The following L2HGDH variants were observed in gnomAD, a reference collection of about 807,000 sequenced individuals.
L2HGDH encodes L-2-hydroxyglutarate dehydrogenase.
L2HGDH carries 34 observed loss-of-function variants against 51.5 expected under a neutral mutation model. The observed-to-expected ratio is 0.66, with a 90% confidence interval of 0.50 to 0.88. The LOEUF is 0.88. Ranked by LOEUF, L2HGDH falls within the 40% of genes least tolerant of loss-of-function variation. L2HGDH has a pLI of 0.00. For synonymous variants in L2HGDH, 198 were observed against 197.9 expected (o/e 1.00, Z -0.01); for missense variants, 558 against 571.9 (o/e 0.98, Z 0.25).
At chr14:50,298,980 A>G (rs1285252615) in intron 3 of L2HGDH, among the ~76,000 whole-genome samples, 10 of 152,136 alleles carry the variant, frequency 6.6e-5, no homozygotes, top group Admixed American at 6.5e-4. Flanking sequence ...TAAATAATAA[A>G]GATCAGAGCA....
intron 3 of L2HGDH, among the ~76,000 whole-genome samples, chr14:50,296,181 GGGCAA>G: frequency 6.6e-6 from 1 of 151,938 alleles, no homozygotes; most frequent in East Asian, 1.9e-4. Flanking sequence ...AGAACAGCCT[GGGCAA>G]CATAGCAAAA....
intron 2 of L2HGDH, among the ~76,000 whole-genome samples, chr14:50,302,471 G>T (rs1566539343): frequency 6.6e-6 from 1 of 152,154 alleles, no homozygotes; most frequent in Non-Finnish European, 1.5e-5. Flanking sequence ...AACTTTTTTA[G>T]AGAAGGGCAC....
chr14:50,305,099 C>T (rs143986245), intron 1 of L2HGDH, among the ~76,000 whole-genome samples: 52 of 152,274 alleles, frequency 3.4e-4, no homozygotes, highest in African/African-American at 1.2e-3. Flanking sequence ...TCCTAGACAA[C>T]TAGGAACTAA....
At chr14:50,262,849 T>C (rs531932030) in intron 9 of L2HGDH, among the ~76,000 whole-genome samples, 3 of 152,222 alleles carry the variant, frequency 2.0e-5, no homozygotes, top group South Asian at 2.1e-4. Flanking sequence ...ACGAAGCAAA[T>C]GGAATTGCTG....
intron 4 of L2HGDH, among the ~76,000 whole-genome samples, chr14:50,291,693 A>T (rs1398603301): frequency 6.6e-6 from 1 of 151,974 alleles, no homozygotes; most frequent in Non-Finnish European, 1.5e-5. Flanking sequence ...GAAAAAATAC[A>T]TTTTTTTTCC....
rs1347021784 is a variant in L2HGDH at position 50,302,972 on chromosome 14, G to A, written c.186C>T (p.Ala62=). 4.3e-6 allele frequency: 7 copies of A among 1,613,968 alleles called. No homozygotes were observed. Among genetic ancestry groups the A allele is most frequent in the Non-Finnish European group, 5.9e-6 (7 of 1,179,876 alleles). ...GTCGCAGGATGAGTGCTCTGGCAGA[G>A]GCAAGCCCCACAATTCCGCCACCAA... ...VIVGGGIVGL[A]SARALILRHP... Residue 62 remains alanine (A), a synonymous_variant, in exon 2 of 10, where the codon GCC becomes GCT. Transcript: ENST00000267436.
At chr14:50,287,172 A>T in intron 4 of L2HGDH, 1 of 984,614 alleles carries the variant, frequency 1.0e-6, no homozygotes, top group Non-Finnish European at 1.2e-6. Flanking sequence ...CACTGACCTC[A>T]TTCCAAGGAC....
intron 9 of L2HGDH, among the ~76,000 whole-genome samples, chr14:50,262,506 C>T (rs567786700): frequency 6.7e-6 from 1 of 149,904 alleles, no homozygotes; most frequent in East Asian, 2.0e-4. Flanking sequence ...GAGAGACTAA[C>T]ACAATGAATA....
intron 6 of L2HGDH, among the ~76,000 whole-genome samples, chr14:50,274,125 G>A (rs1013054693): frequency 6.9e-6 from 1 of 145,136 alleles, no homozygotes; most frequent in African/African-American, 2.5e-5. Context: ...ATAAAAATGG[G>A]CAAAGAAGCC....
chr14:50,281,339 T>C lies in L2HGDH; in HGVS notation c.703+2532A>G, dbSNP rs184294929. On this transcript the variant is annotated intron_variant, in intron 5 of 9. Coordinates refer to ENST00000267436, the MANE Select transcript of L2HGDH (RefSeq NM_024884.3). ...TGGGTGCAGTAGCTCGCTCCTGTAA[T>C]CCCAGCACTTTGGGAGGCTGAGGCA... 3.0e-3 allele frequency among the ~76,000 whole-genome samples: 453 copies of C among 152,312 alleles called. 2 individuals are homozygous for C. Among genetic ancestry groups the C allele is most frequent in the African/African-American group, 0.01 (418 of 41,564 alleles).
At position 50,244,660 on chromosome 14, in the gene L2HGDH, A is replaced by C. The variant is rs1338288736; in HGVS notation, c.*2398T>G. 3 of 985,320 alleles carry C rather than the reference A, an allele frequency of 3.0e-6. No individual in the cohort carries two copies. The highest frequency in any genetic ancestry group is 3.6e-6 in the Non-Finnish European group (3 of 829,932). 61.0% of individuals were successfully genotyped at this position (985,320 alleles called of 1,614,324 possible). A position where few individuals can be genotyped will look rare whatever the true frequency, so the allele number is the denominator to read the frequency against. On this transcript the variant is annotated 3_prime_UTR_variant, in exon 10 of 10. Coordinates refer to ENST00000267436, the MANE Select transcript of L2HGDH (RefSeq NM_024884.3). ...TAATGGCCTACTCTGTTTACCTGGG[A>C]TGTGCTACTTCTTAAACATGAGCTG...
chr14:50,259,717 C>T (rs1344780914), intron 9 of L2HGDH, among the ~76,000 whole-genome samples: 3 of 151,694 alleles, frequency 2.0e-5, no homozygotes, highest in African/African-American at 7.3e-5. Context: ...GCCTGTAATC[C>T]CAGCTACTCA....
intron 1 of L2HGDH, among the ~76,000 whole-genome samples, chr14:50,303,880 C>G (rs541624766): frequency 6.1e-4 from 89 of 144,806 alleles, no homozygotes; most frequent in Admixed American, 1.9e-3. Flanking sequence ...CTACAGCTTA[C>G]TGGCAGGCAG....
At chr14:50,253,770 T>C (rs1029378606) in intron 9 of L2HGDH, among the ~76,000 whole-genome samples, 13 of 152,162 alleles carry the variant, frequency 8.5e-5, no homozygotes, top group Non-Finnish European at 1.9e-4. Flanking sequence ...AGCCAAGGTT[T>C]GGAAGCAACC....
At chr14:50,279,587 C>G (rs566300046) in intron 5 of L2HGDH, among the ~76,000 whole-genome samples, 1 of 151,916 alleles carries the variant, frequency 6.6e-6, no homozygotes, top group African/African-American at 2.4e-5. Flanking sequence ...TGCCTGTAAT[C>G]CCAGCATTTT....
chr14:50,263,942 A>G (rs898135998), intron 9 of L2HGDH, among the ~76,000 whole-genome samples: 6 of 151,112 alleles, frequency 4.0e-5, no homozygotes, highest in African/African-American at 1.5e-4. Flanking sequence ...TGCCTGGCTA[A>G]TTTTGTATTT....
At chr14:50,306,884 C>T (rs569495679) in intron 1 of L2HGDH, among the ~76,000 whole-genome samples, 5 of 152,160 alleles carry the variant, frequency 3.3e-5, no homozygotes, top group African/African-American at 1.2e-4. Flanking sequence ...AGCATGATCT[C>T]GGCTCACTGC....
At chr14:50,294,007 G>T in intron 4 of L2HGDH, 108 bp downstream of exon 4, 1 of 1,302,000 alleles carries the variant, frequency 7.7e-7, no homozygotes. Flanking sequence ...TCTGTGACAG[G>T]ATTATCTAAC....
chr14:50,293,614 CAGCACTTTGGG>C (rs895541351), intron 4 of L2HGDH, among the ~76,000 whole-genome samples: 1 of 152,066 alleles, frequency 6.6e-6, no homozygotes, highest in African/African-American at 2.4e-5. Context: ...GCTGCAATCC[CAGCACTTTGGG>C]AGGTCGAGGC....
Sources: allele counts gnomAD v4.1 joint callset (sites outside exome capture counted in the v4.1 genomes callset), GRCh38; gene constraint gnomAD v4.1.1; transcripts MANE v1.5; gene names NCBI Gene and HGNC (gene_info 2026-07-23, HGNC 2026-07-21).